Variants in FBXO17 observed in about 807,000 individuals in gnomAD.
FBXO17 encodes the protein F-box only protein 17.
A neutral mutation model predicts 34.1 loss-of-function variants in FBXO17; 43 were observed. The ratio of observed to expected loss-of-function variants is 1.26; its 90% CI spans 0.99 to 1.62. The LOEUF is 1.62. Among genes scored for constraint, FBXO17 ranks in the 40% most tolerant of loss-of-function variants. FBXO17 has a pLI of 0.00. For synonymous variants in FBXO17, 169 were observed against 166.0 expected (o/e 1.02, Z -0.14); for missense variants, 424 against 386.7 (o/e 1.10, Z -0.81).
intron 4 of FBXO17, chr19:38,945,374 G>C (rs1234584323): frequency 1.0e-5 from 5 of 498,356 alleles, no homozygotes; most frequent in Non-Finnish European, 1.4e-5. Flanking sequence ...CCAGAGCCTG[G>C]GGGAGGAGCC....
chr19:38,952,522 C>T (rs1159498328), intron 1 of FBXO17: 19 of 534,192 alleles, frequency 3.6e-5, no homozygotes, highest in Admixed American at 3.5e-4. Flanking sequence ...ACTTCCTGAC[C>T]ATTCTCCCTC....
At chr19:38,960,158 G>T (rs548905731) in intron 1 of FBXO17, among the ~76,000 whole-genome samples, 2 of 152,072 alleles carry the variant, frequency 1.3e-5, no homozygotes, top group Non-Finnish European at 2.9e-5. Flanking sequence ...TAGTTTTTTT[G>T]AGGCCAGAGA....
chr19:38,968,293 T>C (rs1006521010), intron 1 of FBXO17, among the ~76,000 whole-genome samples: 5 of 147,446 alleles, frequency 3.4e-5, no homozygotes, highest in African/African-American at 1.3e-4. Flanking sequence ...CACTCTAGCC[T>C]GGGCAACAGA....
At chr19:38,953,588 G>A (rs1356563377) in intron 1 of FBXO17, among the ~76,000 whole-genome samples, 5 of 151,962 alleles carry the variant, frequency 3.3e-5, no homozygotes, top group Non-Finnish European at 7.4e-5. Flanking sequence ...TTGAACCCAG[G>A]AGGCAGAGGT....
intron 1 of FBXO17, among the ~76,000 whole-genome samples, chr19:38,966,301 G>GTGTGTGTA (rs1555752435): frequency 6.6e-6 from 1 of 150,968 alleles, no homozygotes; most frequent in Admixed American, 6.6e-5. Context: ...TTTTGTGTGT[G>GTGTGTGTA]TGTGTGTGTG....
At chr19:38,952,887 C>A (rs1014948623) in intron 1 of FBXO17, 2 of 455,870 alleles carry the variant, frequency 4.4e-6, no homozygotes, top group African/African-American at 4.0e-5. Flanking sequence ...GTGCCCCACT[C>A]GCATGATCCT....
chr19:38,955,749 G>C (rs1177650687), intron 1 of FBXO17, among the ~76,000 whole-genome samples: 1 of 151,962 alleles, frequency 6.6e-6, no homozygotes, highest in Admixed American at 6.6e-5. Context: ...CTCCCAAAGT[G>C]CTGGGATTAT....
intron 4 of FBXO17, 27 bp from the exon 5 acceptor site, chr19:38,945,131 C>T: frequency 6.2e-7 from 1 of 1,612,348 alleles, no homozygotes. Context: ...AGCCTCTATG[C>T]CCCCGTCACC....
intron 1 of FBXO17, among the ~76,000 whole-genome samples, chr19:38,973,496 T>C (rs1313871457): frequency 1.3e-5 from 2 of 152,118 alleles, no homozygotes; most frequent in Non-Finnish European, 2.9e-5. Flanking sequence ...CCAGTGGGGG[T>C]GGCAGGTCTC....
chr19:38,952,502 C>T, intron 1 of FBXO17: 2 of 532,948 alleles, frequency 3.8e-6, no homozygotes, highest in Admixed American at 1.9e-5. Context: ...TCTCCGTGCT[C>T]CTGGGAGCTA....
At chr19:38,964,227 A>C (rs1975291455) in intron 1 of FBXO17, among the ~76,000 whole-genome samples, 1 of 152,192 alleles carries the variant, frequency 6.6e-6, no homozygotes, top group Admixed American at 6.5e-5. Context: ...TATGCATTGC[A>C]GTTGCCAGCA....
chr19:38,949,785 C>T, intron 2 of FBXO17, 186 bp downstream of exon 2: 1 of 732,556 alleles, frequency 1.4e-6, no homozygotes, highest in Non-Finnish European at 2.1e-6. Context: ...TTCGGATTCC[C>T]GGCTTCACCT....
chr19:38,949,793 C>T lies in FBXO17; in HGVS notation c.349+178G>A, dbSNP rs547419248. ...CCACTCGTTCGGATTCCCGGCTTCA[C>T]CTTCTCCAGCCCCGCCCACCGGGCC... On this transcript the variant is annotated intron_variant, in intron 2 of 5. Coordinates refer to ENST00000292852, the MANE Select transcript of FBXO17 (RefSeq NM_024907.7). The T allele has an allele frequency of 5.9e-3, 4,608 of 781,606 alleles. 24 individuals carry two copies. The highest frequency in any genetic ancestry group is 7.7e-3 in the Non-Finnish European group (3,993 of 516,698). The allele number at this position is 781,606 out of a possible 1,614,324, so 48.4% of individuals were successfully genotyped here. A position where few individuals can be genotyped will look rare whatever the true frequency, so the allele number is the denominator to read the frequency against.
intron 5 of FBXO17, among the ~76,000 whole-genome samples, chr19:38,943,860 G>A (rs1188621447): frequency 2.6e-5 from 4 of 152,348 alleles, no homozygotes; most frequent in African/African-American, 9.6e-5. Flanking sequence ...AAAGTGCTGA[G>A]ATTACAGGCA....
At chr19:38,957,069 A>T (rs1269341248) in intron 1 of FBXO17, among the ~76,000 whole-genome samples, 1 of 151,884 alleles carries the variant, frequency 6.6e-6, no homozygotes, top group African/African-American at 2.4e-5. Context: ...AGACTTTACA[A>T]AGACCAAGCT....
chr19:38,951,393 T>C (rs1307042306), intron 1 of FBXO17, among the ~76,000 whole-genome samples: 2 of 151,934 alleles, frequency 1.3e-5, no homozygotes, highest in East Asian at 3.9e-4. Flanking sequence ...CTGGCTGGTC[T>C]TGAATTCCTG....
chr19:38,951,718 C>T (rs918027418), intron 1 of FBXO17, among the ~76,000 whole-genome samples: 40 of 146,186 alleles, frequency 2.7e-4, no homozygotes, highest in African/African-American at 9.4e-4. Context: ...TGGCCCGTCT[C>T]GGCTCACTGC....
rs763670613 is a variant in FBXO17 at position 38,942,604 on chromosome 19, G to T, written c.*4C>A. The T allele has an allele frequency of 3.9e-6, 6 of 1,552,074 alleles. No individual in the cohort carries two copies. The East Asian group carries it at 1.2e-4, about 32-fold the overall frequency. The stretch of plus-strand genomic sequence containing the variant: ...ACTGACAACGTCAGGCAGTAGTCCA[G>T]TCGCTAGGACAGACGGATCCTGACC... On this transcript the variant is annotated 3_prime_UTR_variant, in exon 6 of 6. Transcript: ENST00000292852.
In FBXO17 at chr19:38,946,973, C is replaced by T. The variant is rs539551015; in HGVS notation, c.462-406G>A. ...TGTTGGATCAGCCAATGGGATGCTC[C>T]GGCAGGGGATGGAAGTGAAAGAGGT... On this transcript the variant is annotated intron_variant, in intron 3 of 5. Coordinates refer to ENST00000292852, the MANE Select transcript of FBXO17 (RefSeq NM_024907.7). 5 of 189,620 alleles carry T rather than the reference C, an allele frequency of 2.6e-5. No homozygotes were observed. The South Asian group carries it at 3.4e-4, about 13-fold the overall frequency. The allele number at this position is 189,620 out of a possible 1,614,324, so 11.7% of individuals were successfully genotyped here. A position where few individuals can be genotyped will look rare whatever the true frequency, so the allele number is the denominator to read the frequency against.
Sources: gnomAD v4.1 joint callset for allele counts (sites outside exome capture counted in the v4.1 genomes callset) on GRCh38, gnomAD v4.1.1 for gene constraint, MANE v1.5 for transcripts, NCBI Gene and HGNC (gene_info 2026-07-23, HGNC 2026-07-21) for gene names.